The following PAPSS1 variants were observed in gnomAD, a reference collection of about 807,000 sequenced individuals.
PAPSS1 encodes bifunctional 3'-phosphoadenosine 5'-phosphosulfate synthase 1.
A neutral mutation model predicts 72.0 loss-of-function variants in PAPSS1; 50 were observed. That is an observed-to-expected ratio of 0.69 (90% CI 0.55 to 0.88). PAPSS1 has a LOEUF of 0.88. Ranked by LOEUF, PAPSS1 falls within the 40% of genes least tolerant of loss-of-function variation. PAPSS1 has a pLI of 0.00. For synonymous variants in PAPSS1, 261 were observed against 263.6 expected (o/e 0.99, Z 0.09); for missense variants, 657 against 782.2 (o/e 0.84, Z 1.91).
chr4:107,614,260 C>G lies in PAPSS1; in HGVS notation c.1864G>C (p.Glu622Gln). 6.2e-7 allele frequency: 1 copy of G among 1,613,248 alleles called. No homozygotes were observed. ...ACTGGGTTAACAGCCTAAGCTTTCTCCAAGGATTTGTAGTATTCTGTCAGC... is the reference window on the plus strand; with the variant it reads ...ACTGGGTTAACAGCCTAAGCTTTCTGCAAGGATTTGTAGTATTCTGTCAGC... ...TVLTEYYKSL[E>Q]KA Residue 622 changes from glutamate (E) to glutamine (Q), a missense_variant, in exon 12 of 12, where the codon GAG becomes CAG. This residue lies in a region of PAPSS1 where 103 missense variants were observed against 93.8 expected (regional missense o/e 1.10). Coordinates refer to ENST00000265174, the MANE Select transcript of PAPSS1 (RefSeq NM_005443.5).
chr4:107,679,973 T>C (rs1029682036), intron 5 of PAPSS1, among the ~76,000 whole-genome samples: 5 of 152,148 alleles, frequency 3.3e-5, no homozygotes, highest in Non-Finnish European at 5.9e-5. Context: ...TATCAATATA[T>C]TGGATACAGC....
chr4:107,716,493 C>T (rs954621926), intron 1 of PAPSS1, among the ~76,000 whole-genome samples: 1 of 152,146 alleles, frequency 6.6e-6, no homozygotes, highest in Non-Finnish European at 1.5e-5. Flanking sequence ...CAGTTTCAAA[C>T]GCTTCTTTTA....
At chr4:107,648,108 T>C (rs1363514250) in intron 9 of PAPSS1, among the ~76,000 whole-genome samples, 1 of 152,198 alleles carries the variant, frequency 6.6e-6, no homozygotes, top group Non-Finnish European at 1.5e-5. Flanking sequence ...GCAAGTTCTC[T>C]CCCTTTCCTC....
At chr4:107,719,967 G>A (rs1225145168) in intron 1 of PAPSS1, 153 bp downstream of exon 1, 2 of 1,415,682 alleles carry the variant, frequency 1.4e-6, no homozygotes, top group East Asian at 3.0e-5. Flanking sequence ...AACCACCCAC[G>A]GCCCCAGCCG....
intron 11 of PAPSS1, 48 bp from the exon 12 acceptor site, chr4:107,614,435 A>C: frequency 6.7e-7 from 1 of 1,486,696 alleles, no homozygotes; most frequent in Non-Finnish European, 9.3e-7. Context: ...TTAGAAACTT[A>C]GATTTTTAAA....
chr4:107,701,429 C>CA, intron 1 of PAPSS1, 144 bp from the exon 2 acceptor site: 1 of 562,986 alleles, frequency 1.8e-6, no homozygotes, highest in East Asian at 2.9e-5. Context: ...CCTTAGAGTA[C>CA]TGGCATGGTG....
Position 107,665,861 on chromosome 4 carries a change from T to A in PAPSS1, c.670-5789A>T, listed in dbSNP as rs1480923783. On this transcript the variant is annotated intron_variant, in intron 5 of 11. Transcript: ENST00000265174. ...ACACTGGCAGGCAGGGCAAACAACA[T>A]GCGCTACATGAAAGTGGTAGCTCTC... 2.6e-5 allele frequency among the ~76,000 whole-genome samples: 4 copies of A among 152,192 alleles called. No individual in the cohort carries two copies. The East Asian group carries it at 7.7e-4, about 29-fold the overall frequency.
intron 10 of PAPSS1, among the ~76,000 whole-genome samples, chr4:107,635,053 C>A (rs1473538861): frequency 1.3e-5 from 2 of 152,130 alleles, no homozygotes; most frequent in Non-Finnish European, 2.9e-5. Flanking sequence ...CCGCCTTGGC[C>A]TCCCAAAGTG....
chr4:107,685,598 A>G (rs954447146), intron 4 of PAPSS1, among the ~76,000 whole-genome samples: 1 of 152,162 alleles, frequency 6.6e-6, no homozygotes, highest in African/African-American at 2.4e-5. Context: ...GATCTTTCTG[A>G]GTCAAGAAAG....
At chr4:107,695,890 A>AC (rs1723052036) in intron 2 of PAPSS1, among the ~76,000 whole-genome samples, 1 of 152,204 alleles carries the variant, frequency 6.6e-6, no homozygotes, top group Admixed American at 6.5e-5. Context: ...GAAATAAACA[A>AC]CCCCATCAAA....
At chr4:107,656,779 A>C in intron 7 of PAPSS1, 117 bp downstream of exon 7, 1 of 704,626 alleles carries the variant, frequency 1.4e-6, no homozygotes, top group Non-Finnish European at 2.5e-6. Context: ...ACTTAGTCTT[A>C]TAATGCTACC....
chr4:107,718,772 C>T (rs1404244803), intron 1 of PAPSS1, among the ~76,000 whole-genome samples: 1 of 152,212 alleles, frequency 6.6e-6, no homozygotes, highest in Non-Finnish European at 1.5e-5. Flanking sequence ...CCCAAGTAAG[C>T]CAACCTTATT....
intron 11 of PAPSS1, among the ~76,000 whole-genome samples, chr4:107,629,740 T>A (rs1025515947): frequency 6.6e-6 from 1 of 152,062 alleles, no homozygotes; most frequent in African/African-American, 2.4e-5. Context: ...GTGGAAACAG[T>A]TTTTTGGGAT....
chr4:107,697,470 CA>C (rs1414519376), intron 2 of PAPSS1, among the ~76,000 whole-genome samples: 1 of 151,726 alleles, frequency 6.6e-6, no homozygotes, highest in Non-Finnish European at 1.5e-5. Flanking sequence ...CATCAAGTAT[CA>C]GGGAAAAAAA....
At chr4:107,636,448 C>G (rs755863655) in intron 10 of PAPSS1, among the ~76,000 whole-genome samples, 4 of 152,278 alleles carry the variant, frequency 2.6e-5, no homozygotes, top group Middle Eastern at 3.4e-3. Flanking sequence ...CCTAGAGAAT[C>G]TGATTTTGGA....
intron 2 of PAPSS1, among the ~76,000 whole-genome samples, 156 bp downstream of exon 2, chr4:107,701,015 A>T (rs1560590062): frequency 6.6e-6 from 1 of 152,182 alleles, no homozygotes; most frequent in Non-Finnish European, 1.5e-5. Flanking sequence ...AAAAAAAAAA[A>T]TAACAAGAAA....
intron 9 of PAPSS1, among the ~76,000 whole-genome samples, chr4:107,651,908 T>C (rs774560782): frequency 1.3e-5 from 2 of 152,158 alleles, no homozygotes; most frequent in Non-Finnish European, 2.9e-5. Context: ...TCAACAATTG[T>C]CCATGAGCCT....
chr4:107,685,013 C>T (rs1722741114), intron 4 of PAPSS1, among the ~76,000 whole-genome samples: 1 of 152,154 alleles, frequency 6.6e-6, no homozygotes, highest in East Asian at 1.9e-4. Flanking sequence ...TCACGCCATT[C>T]TCCTGCCTCA....
intron 11 of PAPSS1, among the ~76,000 whole-genome samples, chr4:107,617,066 T>A (rs1274963126): frequency 1.3e-5 from 2 of 152,026 alleles, no homozygotes; most frequent in Non-Finnish European, 2.9e-5. Context: ...CTCACTAGGG[T>A]GGGCTCTAGA....
Sources: gnomAD v4.1 joint callset for allele counts (sites outside exome capture counted in the v4.1 genomes callset) on GRCh38, gnomAD v4.1.1 for gene constraint, gnomAD v4.1.1 regional missense constraint, MANE v1.5 for transcripts, NCBI Gene and HGNC (gene_info 2026-07-23, HGNC 2026-07-21) for gene names.